Variants in MAD1L1 observed in about 807,000 individuals in gnomAD.
MAD1L1 encodes mitotic arrest deficient 1 like 1, also known as mitotic spindle assembly checkpoint protein MAD1.
A neutral mutation model predicts 96.9 loss-of-function variants in MAD1L1; 95 were observed. The ratio of observed to expected loss-of-function variants is 0.98; its 90% CI spans 0.83 to 1.16. The LOEUF is 1.16. Among genes scored for constraint, MAD1L1 ranks in the 50% most tolerant of loss-of-function variants. The pLI is 0.00. For synonymous variants in MAD1L1, 473 were observed against 396.6 expected (o/e 1.19, Z -2.29); for missense variants, 1,007 against 954.4 (o/e 1.06, Z -0.73).
intron 12 of MAD1L1, among the ~76,000 whole-genome samples, chr7:2,043,974 G>A (rs1336702427): frequency 2.6e-5 from 4 of 152,210 alleles, no homozygotes; most frequent in African/African-American, 9.7e-5. Flanking sequence ...ATGGGTGCCC[G>A]TCCCGTCAAG....
At chr7:1,816,285 C>T in intron 18 of MAD1L1, 57 bp from the exon 19 acceptor site, 6 of 1,534,816 alleles carry the variant, frequency 3.9e-6, no homozygotes, top group Non-Finnish European at 5.3e-6. Flanking sequence ...GCCTCTCCCT[C>T]TCCCCTCCCT....
At chr7:2,179,909 C>T (rs1189814143) in intron 10 of MAD1L1, among the ~76,000 whole-genome samples, 1 of 150,124 alleles carries the variant, frequency 6.7e-6, no homozygotes, top group Non-Finnish European at 1.5e-5. Context: ...AGGCGGAGGT[C>T]ACAGTGAGCC....
At chr7:2,153,938 A>C (rs1789701769) in intron 10 of MAD1L1, among the ~76,000 whole-genome samples, 1 of 152,246 alleles carries the variant, frequency 6.6e-6, no homozygotes, top group South Asian at 2.1e-4. Flanking sequence ...CAGGTGGATC[A>C]GGAGGTCAGG....
At chr7:2,165,655 AC>A (rs1562746768) in intron 10 of MAD1L1, among the ~76,000 whole-genome samples, 1 of 98,898 alleles carries the variant, frequency 1.0e-5, no homozygotes. Flanking sequence ...GCACGAAACG[AC>A]CAAAACACGC....
Position 2,232,939 on chromosome 7 carries a change from T to C in MAD1L1, c.-257A>G, listed in dbSNP as rs1385883629. 6.6e-6 allele frequency: 1 copy of C among 152,262 alleles called. No homozygotes were observed. The highest frequency in any genetic ancestry group is 1.5e-5 in the Non-Finnish European group (1 of 68,066). 9.4% of individuals were successfully genotyped at this position (152,262 alleles called of 1,614,324 possible). ...CCTCCGCTCCGCCGGCGCCCATTTA[T>C]CGCGACACTTGCGCCTGCGCTCTCG... On this transcript the variant is annotated 5_prime_UTR_variant, in exon 1 of 19. Coordinates refer to ENST00000265854, the MANE Select transcript of MAD1L1 (RefSeq NM_001013836.2).
At chr7:1,993,049 A>G (rs951768922) in intron 14 of MAD1L1, among the ~76,000 whole-genome samples, 1 of 152,206 alleles carries the variant, frequency 6.6e-6, no homozygotes, top group South Asian at 2.1e-4. Context: ...AGATAAATGA[A>G]CCGATTTCCT....
chr7:1,944,889 G>A (rs1466765493), intron 16 of MAD1L1, among the ~76,000 whole-genome samples: 1 of 152,218 alleles, frequency 6.6e-6, no homozygotes, highest in Admixed American at 6.5e-5. Context: ...AGACCCCTGT[G>A]AGTCAGCAGC....
At chr7:2,200,179 C>T (rs1489800083) in intron 10 of MAD1L1, 1 of 152,334 alleles carries the variant, frequency 6.6e-6, no homozygotes, top group Non-Finnish European at 1.5e-5. Context: ...GCTAACATAG[C>T]ACGCGGGGCG....
chr7:1,851,819 C>A (rs1783994111), intron 18 of MAD1L1, among the ~76,000 whole-genome samples: 1 of 152,164 alleles, frequency 6.6e-6, no homozygotes, highest in Admixed American at 6.5e-5. Context: ...GCCTGCCTGC[C>A]AAAGGCCAGG....
At chr7:1,985,633 T>G (rs1426488634) in intron 14 of MAD1L1, among the ~76,000 whole-genome samples, 1 of 152,262 alleles carries the variant, frequency 6.6e-6, no homozygotes, top group African/African-American at 2.4e-5. Flanking sequence ...TCCTGACACT[T>G]CTTTTTGAAT....
At chr7:2,003,090 C>T (rs576194023) in intron 13 of MAD1L1, among the ~76,000 whole-genome samples, 2 of 152,400 alleles carry the variant, frequency 1.3e-5, no homozygotes, top group African/African-American at 4.8e-5. Context: ...GAGGGCCAGC[C>T]CAGGAGTGAG....
intron 18 of MAD1L1, among the ~76,000 whole-genome samples, chr7:1,892,526 T>G (rs1464212267): frequency 6.6e-6 from 1 of 152,194 alleles, no homozygotes; most frequent in Non-Finnish European, 1.5e-5. Flanking sequence ...TCATCCCTAA[T>G]CTGAAAATCT....
intron 18 of MAD1L1, among the ~76,000 whole-genome samples, chr7:1,864,816 G>T (rs1269803623): frequency 6.6e-6 from 1 of 152,048 alleles, no homozygotes; most frequent in African/African-American, 2.4e-5. Context: ...CCCCTTTCTC[G>T]CTGCGTACTC....
chr7:2,159,841 T>C (rs1790017196), intron 10 of MAD1L1, among the ~76,000 whole-genome samples: 1 of 152,196 alleles, frequency 6.6e-6, no homozygotes, highest in Admixed American at 6.5e-5. Context: ...AAGGCAGTGC[T>C]AAATACAGAC....
At position 2,146,080 on chromosome 7, in the gene MAD1L1, C is replaced by T. The variant is rs1028976201; in HGVS notation, c.1073+3072G>A. 1.1e-4 allele frequency among the ~76,000 whole-genome samples: 16 copies of T among 152,202 alleles called. No individual in the cohort carries two copies. The highest frequency in any genetic ancestry group is 1.9e-4 in the East Asian group (1 of 5,198). ...GTAGGCTGCTCACAGCGGCACACTA[C>T]GCCGGCTGATAGGCAACATTCATCT... On this transcript the variant is annotated intron_variant, in intron 11 of 18. Transcript: ENST00000265854. This position sits in a 1 kb window ranked among gnomAD's most constrained non-coding sequence, Gnocchi z 6.2.
chr7:1,855,457 C>T (rs1784201170), intron 18 of MAD1L1, among the ~76,000 whole-genome samples: 1 of 152,064 alleles, frequency 6.6e-6, no homozygotes, highest in African/African-American at 2.4e-5. Flanking sequence ...GGAAAGGCTG[C>T]ACCTCAACGC....
chr7:1,907,193 A>G (rs908310765), intron 17 of MAD1L1, among the ~76,000 whole-genome samples: 1 of 151,926 alleles, frequency 6.6e-6, no homozygotes, highest in Non-Finnish European at 1.5e-5. Context: ...CCCCACTGCC[A>G]CCGCCTTGCC....
chr7:1,987,782 G>A (rs1325044645), intron 14 of MAD1L1, among the ~76,000 whole-genome samples: 1 of 152,220 alleles, frequency 6.6e-6, no homozygotes, highest in Non-Finnish European at 1.5e-5. Context: ...GGGACTCGCT[G>A]GCAGGGCACA....
At chr7:2,010,639 T>C (rs980688233) in intron 13 of MAD1L1, among the ~76,000 whole-genome samples, 7 of 152,216 alleles carry the variant, frequency 4.6e-5, no homozygotes, top group Non-Finnish European at 7.3e-5. Context: ...ACTGTTTTCC[T>C]GCAACGTCTC....
Sources: allele counts gnomAD v4.1 joint callset (sites outside exome capture counted in the v4.1 genomes callset), GRCh38; gene constraint gnomAD v4.1.1; non-coding constraint Gnocchi (gnomAD v3.1); transcripts MANE v1.5; gene names NCBI Gene and HGNC (gene_info 2026-07-23, HGNC 2026-07-21).